The following CPED1 variants were observed in gnomAD, a reference collection of about 807,000 sequenced individuals.
CPED1 encodes cadherin-like and PC-esterase domain-containing protein 1.
CPED1 carries 114 observed loss-of-function variants against 128.2 expected under a neutral mutation model. The ratio of observed to expected loss-of-function variants is 0.89; its 90% CI spans 0.76 to 1.04. The LOEUF (loss-of-function observed/expected upper bound fraction) is 1.04. Among genes scored for constraint, CPED1 ranks in the 50% least tolerant of loss-of-function variants. The probability of loss-of-function intolerance (pLI) is 0.00; values close to 1 mark genes in which losing one functional copy is unlikely to be tolerated. For synonymous variants in CPED1, 462 were observed against 426.7 expected (o/e 1.08, Z -1.02); for missense variants, 1,211 against 1,207.1 (o/e 1.00, Z -0.05).
intron 5 of CPED1, among the ~76,000 whole-genome samples, chr7:121,090,025 T>C (rs1305492549): frequency 6.6e-6 from 1 of 152,212 alleles, no homozygotes. Flanking sequence ...ACAGCTTTTA[T>C]AACCGACAAG....
chr7:121,236,587 A>G, intron 16 of CPED1, 127 bp from the exon 17 acceptor site: 3 of 488,190 alleles, frequency 6.1e-6, no homozygotes, highest in Non-Finnish European at 1.1e-5. Context: ...AGCAGGGGAA[A>G]GATAAGGAAT....
chr7:121,129,793 C>T (rs1049975411), intron 11 of CPED1, among the ~76,000 whole-genome samples: 1 of 151,754 alleles, frequency 6.6e-6, no homozygotes, highest in Non-Finnish European at 1.5e-5. Flanking sequence ...TCATTTGTAA[C>T]CCAAGAGGCT....
intron 16 of CPED1, among the ~76,000 whole-genome samples, chr7:121,189,367 A>G (rs1797075319): frequency 1.3e-5 from 2 of 152,142 alleles, no homozygotes; most frequent in Admixed American, 1.3e-4. Flanking sequence ...AGTTACAATC[A>G]TGGCAGAAGG....
intron 16 of CPED1, among the ~76,000 whole-genome samples, chr7:121,169,531 A>G (rs1211629190): frequency 6.6e-6 from 1 of 152,178 alleles, no homozygotes; most frequent in Non-Finnish European, 1.5e-5. Context: ...TCATCTGATA[A>G]TGATCAAAAT....
chr7:121,225,051 G>T (rs1166946678), intron 16 of CPED1, among the ~76,000 whole-genome samples: 1 of 152,066 alleles, frequency 6.6e-6, no homozygotes, highest in Non-Finnish European at 1.5e-5. Flanking sequence ...GTTAATTGAT[G>T]CAGTTTCTTC....
intron 3 of CPED1, among the ~76,000 whole-genome samples, chr7:121,041,960 T>C (rs1353248345): frequency 2.0e-5 from 3 of 152,092 alleles, no homozygotes; most frequent in East Asian, 3.9e-4. Flanking sequence ...TTTGCTTCCA[T>C]GTGTTTGGGA....
chr7:121,081,265 C>T (rs139527768), intron 5 of CPED1, among the ~76,000 whole-genome samples: 213 of 152,220 alleles, frequency 1.4e-3, no homozygotes, highest in African/African-American at 4.7e-3. Flanking sequence ...CATTCGTTTT[C>T]CTTAATAGAA....
intron 3 of CPED1, among the ~76,000 whole-genome samples, chr7:121,033,258 G>A (rs985434667): frequency 6.6e-6 from 1 of 152,138 alleles, no homozygotes; most frequent in Non-Finnish European, 1.5e-5. Flanking sequence ...ATGAGGGTGT[G>A]GGTCAGGGTT....
intron 4 of CPED1, among the ~76,000 whole-genome samples, chr7:121,060,645 G>C (rs1298674576): frequency 2.0e-5 from 3 of 152,286 alleles, no homozygotes; most frequent in African/African-American, 7.2e-5. Context: ...TTTGTGTCTA[G>C]CTCAGGGATT....
intron 16 of CPED1, among the ~76,000 whole-genome samples, chr7:121,224,718 C>A (rs1163623752): frequency 1.3e-5 from 2 of 150,074 alleles, no homozygotes. Flanking sequence ...ATGTAACGGC[C>A]TTGTTTGTCC....
chr7:121,296,632 C>G lies in CPED1; in HGVS notation c.*980C>G, dbSNP rs890169291. The G allele has an allele frequency of 1.1e-4, 17 of 151,958 alleles. No homozygotes were observed. The highest frequency in any genetic ancestry group is 4.1e-4 in the African/African-American group (17 of 41,398). The allele number at this position is 151,958 out of a possible 1,614,324, so 9.4% of individuals were successfully genotyped here. Reference sequence around the variant, plus strand: ...TTACTAGTATCTATATTTTGATTTTCCTGAGCAACTGTATCAAATCCAAAT... The same window carrying G: ...TTACTAGTATCTATATTTTGATTTTGCTGAGCAACTGTATCAAATCCAAAT... On this transcript the variant is annotated 3_prime_UTR_variant, in exon 23 of 23. Transcript: ENST00000310396.
chr7:121,049,446 T>C (rs1793292884), intron 4 of CPED1, among the ~76,000 whole-genome samples: 2 of 152,164 alleles, frequency 1.3e-5, no homozygotes, highest in Non-Finnish European at 2.9e-5. Flanking sequence ...ACTGCTACCC[T>C]CCAATCTCTT....
chr7:121,190,549 CTG>C (rs1797112400), intron 16 of CPED1, among the ~76,000 whole-genome samples: 1 of 151,948 alleles, frequency 6.6e-6, no homozygotes, highest in Non-Finnish European at 1.5e-5. Context: ...ACTTCCAGAC[CTG>C]TGTGTTCCAG....
At chr7:121,095,416 T>C (rs10230902) in intron 5 of CPED1, among the ~76,000 whole-genome samples, 2,775 of 152,172 alleles carry the variant, frequency 0.018, 82 homozygotes, top group African/African-American at 0.063. Context: ...ATGAAGCTTA[T>C]ATCTAAGTTG....
At chr7:121,219,747 G>A (rs564871097) in intron 16 of CPED1, among the ~76,000 whole-genome samples, 2 of 152,110 alleles carry the variant, frequency 1.3e-5, no homozygotes, top group East Asian at 3.9e-4. Flanking sequence ...TAAACAGCAA[G>A]GGAAGCCGTA....
intron 16 of CPED1, among the ~76,000 whole-genome samples, chr7:121,227,592 G>A (rs1798043720): frequency 6.6e-6 from 1 of 152,066 alleles, no homozygotes; most frequent in Non-Finnish European, 1.5e-5. Context: ...GATTTGCTCT[G>A]CTTTTGGGAA....
chr7:121,142,106 T>C lies in CPED1; in HGVS notation c.2020T>C (p.Leu674=). ...TAGAGAAGACCGCCCAAGTCTGCCC[T>C]TGTTTGAGGCCTTCACAGCATGTGG... is the stretch of plus-strand genomic sequence containing the variant. ...IYREDRPSLP[L]FEAFTACGFV... Residue 674 remains leucine, a synonymous_variant, in exon 16 of 23, where the codon TTG becomes CTG. Coordinates refer to ENST00000310396, the MANE Select transcript of CPED1 (RefSeq NM_024913.5). 1 of 1,611,988 alleles carries C rather than the reference T, an allele frequency of 6.2e-7. No homozygotes were observed. The highest frequency in any genetic ancestry group is 8.5e-7 in the Non-Finnish European group (1 of 1,178,580).
chr7:121,178,809 G>A (rs1453229002), intron 16 of CPED1, among the ~76,000 whole-genome samples: 2 of 152,048 alleles, frequency 1.3e-5, no homozygotes, highest in East Asian at 3.9e-4. Flanking sequence ...GGTACAGGTA[G>A]GTCATGTAGC....
At chr7:121,033,705 A>T (rs1325990231) in intron 3 of CPED1, among the ~76,000 whole-genome samples, 1 of 152,212 alleles carries the variant, frequency 6.6e-6, no homozygotes, top group Admixed American at 6.5e-5. Context: ...GGGTTCAATA[A>T]ATCTCCAAAG....
Sources: gnomAD v4.1 joint callset for allele counts (sites outside exome capture counted in the v4.1 genomes callset) on GRCh38, gnomAD v4.1.1 for gene constraint, MANE v1.5 for transcripts, NCBI Gene and HGNC (gene_info 2026-07-23, HGNC 2026-07-21) for gene names.